The following MBD5 variants were observed in gnomAD, a reference collection of about 807,000 sequenced individuals.
MBD5 encodes methyl-CpG binding domain protein 5, also known as methyl-CpG-binding domain protein 5.
A neutral mutation model predicts 117.3 loss-of-function variants in MBD5; 13 were observed. The ratio of observed to expected loss-of-function variants is 0.11; its 90% CI spans 0.07 to 0.18. MBD5 has a LOEUF of 0.18. MBD5 is among the 10% of genes least tolerant of loss of function. The pLI is 1.00. For synonymous variants in MBD5, 727 were observed against 766.4 expected (o/e 0.95, Z 0.85); for missense variants, 1,879 against 2,093.8 (o/e 0.90, Z 2.00).
intron 3 of MBD5, among the ~76,000 whole-genome samples, chr2:148,280,801 G>T (rs1293218310): frequency 6.6e-6 from 1 of 152,140 alleles, no homozygotes; most frequent in Non-Finnish European, 1.5e-5. Flanking sequence ...AGTTTTTGTA[G>T]TTCTGAAAAT....
intron 1 of MBD5, among the ~76,000 whole-genome samples, chr2:148,124,898 A>G (rs1696854437): frequency 6.6e-6 from 1 of 151,334 alleles, no homozygotes; most frequent in African/African-American, 2.4e-5. Flanking sequence ...ATATGTACAT[A>G]TATTTATAAT....
chr2:148,321,610 C>CA (rs1473568353), intron 3 of MBD5, among the ~76,000 whole-genome samples: 1 of 152,128 alleles, frequency 6.6e-6, no homozygotes, highest in East Asian at 1.9e-4. Flanking sequence ...ATCTATCAAT[C>CA]AATCACAAAA....
intron 4 of MBD5, among the ~76,000 whole-genome samples, chr2:148,383,140 C>A (rs1452091044): frequency 6.6e-6 from 1 of 152,044 alleles, no homozygotes; most frequent in East Asian, 1.9e-4. Context: ...ACACAAAAAA[C>A]CCTTCAAAAA....
chr2:148,421,085 C>T (rs150085468), intron 4 of MBD5, among the ~76,000 whole-genome samples: 1 of 152,170 alleles, frequency 6.6e-6, no homozygotes, highest in African/African-American at 2.4e-5. Context: ...AATTTGTGAT[C>T]ACTATCCTCA....
chr2:148,297,756 C>T (rs760364525), intron 3 of MBD5, among the ~76,000 whole-genome samples: 4 of 151,872 alleles, frequency 2.6e-5, no homozygotes, highest in Non-Finnish European at 5.9e-5. Context: ...TATTGTTCAC[C>T]GAGATGACCT....
chr2:148,476,810 A>G (rs551991701), intron 8 of MBD5, among the ~76,000 whole-genome samples: 34 of 152,314 alleles, frequency 2.2e-4, no homozygotes, highest in African/African-American at 7.7e-4. Context: ...TTCATAATCT[A>G]GAAACTTAGC....
chr2:148,265,739 G>GT (rs1258477218), intron 3 of MBD5, among the ~76,000 whole-genome samples: 1 of 151,990 alleles, frequency 6.6e-6, no homozygotes, highest in African/African-American at 2.4e-5. Flanking sequence ...AAGTTTTTGT[G>GT]TTGCAAATTT....
chr2:148,043,534 A>G lies in MBD5; in HGVS notation c.-925+21850A>G, dbSNP rs535670670. On this transcript the variant is annotated intron_variant, in intron 1 of 13. Coordinates refer to ENST00000642680, the MANE Select transcript of MBD5 (RefSeq NM_001378120.1). ...TGGGCTCAGGAATCTCGATTTTAAC[A>G]AGGATTGCCTGATGGTTCTCTTTCC... is the stretch of plus-strand genomic sequence containing the variant. 3.3e-5 allele frequency among the ~76,000 whole-genome samples: 5 copies of G among 152,232 alleles called. No homozygotes were observed. In the East Asian group the frequency reaches 9.7e-4, roughly 29 times the overall value.
intron 4 of MBD5, among the ~76,000 whole-genome samples, chr2:148,412,632 T>C (rs1223834950): frequency 1.3e-5 from 2 of 152,104 alleles, no homozygotes; most frequent in Admixed American, 6.5e-5. Flanking sequence ...TCTGATCTCT[T>C]TGAGCAGTGT....
intron 3 of MBD5, among the ~76,000 whole-genome samples, chr2:148,308,911 A>C (rs567421865): frequency 6.6e-6 from 1 of 152,250 alleles, no homozygotes; most frequent in Middle Eastern, 3.4e-3. Context: ...TAAATAGGGA[A>C]TCCTTTCCCC....
At chr2:148,237,592 A>G (rs1162616848) in intron 3 of MBD5, among the ~76,000 whole-genome samples, 1 of 152,198 alleles carries the variant, frequency 6.6e-6, no homozygotes, top group Non-Finnish European at 1.5e-5. Flanking sequence ...TTACAGGAGA[A>G]ACATCAAAGA....
Position 148,458,254 on chromosome 2 carries a change from C to G in MBD5, c.-505C>G, listed in dbSNP as rs2105534062. 2.5e-6 allele frequency: 1 copy of G among 404,238 alleles called. No homozygotes were observed. Among genetic ancestry groups the G allele is most frequent in the Non-Finnish European group, 4.4e-6 (1 of 229,038 alleles). The allele number at this position is 404,238 out of a possible 1,614,324, so 25.0% of individuals were successfully genotyped here. A position where few individuals can be genotyped will look rare whatever the true frequency, so the allele number is the denominator to read the frequency against. On this transcript the variant is annotated 5_prime_UTR_variant, in exon 5 of 14. Transcript: ENST00000642680. Reference sequence around the variant, plus strand: ...TGAAAACATCAGATGAACCAACCTGCAACACCTTGGATTCAGATTGGAAGA... The same window carrying G: ...TGAAAACATCAGATGAACCAACCTGGAACACCTTGGATTCAGATTGGAAGA...
rs562419991 is a variant in MBD5, at chr2:148,068,151, C to T, written c.-925+46467C>T. On this transcript the variant is annotated intron_variant, in intron 1 of 13. Coordinates refer to ENST00000642680, the MANE Select transcript of MBD5 (RefSeq NM_001378120.1). ...GAAGCCTCTAGGTCAGTGCAGCTCCCTCACCTGCTTGATGTAAATCTCAAG... is the reference window on the plus strand; with the variant it reads ...GAAGCCTCTAGGTCAGTGCAGCTCCTTCACCTGCTTGATGTAAATCTCAAG... Among the ~76,000 whole-genome samples, 8 of 152,244 alleles carry T rather than the reference C, an allele frequency of 5.3e-5. No homozygotes were observed. In the South Asian group the frequency reaches 1.2e-3, roughly 24 times the overall value.
intron 4 of MBD5, among the ~76,000 whole-genome samples, chr2:148,429,845 A>G (rs375141202): frequency 6.6e-6 from 1 of 152,152 alleles, no homozygotes; most frequent in South Asian, 2.1e-4. Context: ...GGGGCCTGTC[A>G]TGGGGTGGGG....
chr2:148,051,946 G>A (rs533266018), intron 1 of MBD5, among the ~76,000 whole-genome samples: 4 of 151,668 alleles, frequency 2.6e-5, no homozygotes, highest in Admixed American at 6.6e-5. Context: ...TTCTTGAATG[G>A]TAGAATTCGC....
At chr2:148,235,653 A>G (rs983211684) in intron 3 of MBD5, among the ~76,000 whole-genome samples, 54 of 152,340 alleles carry the variant, frequency 3.5e-4, no homozygotes, top group African/African-American at 1.3e-3. Context: ...GACTACCACA[A>G]TAAAGCAAGC....
rs570411199 is a variant in MBD5 at position 148,165,536 on chromosome 2, C to A, written c.-924-13164C>A. Among the ~76,000 whole-genome samples the A allele has an allele frequency of 1.5e-4, 23 of 152,124 alleles. No individual in the cohort carries two copies. The South Asian group carries it at 4.8e-3, about 32-fold the overall frequency. On this transcript the variant is annotated intron_variant, in intron 1 of 13. Coordinates refer to ENST00000642680, the MANE Select transcript of MBD5 (RefSeq NM_001378120.1). Reference sequence around the variant, plus strand: ...AATGGTTAGTTGTTCTCTGTTGCAACTAGCCAATGAACAGGTTTTTTATAT... The same window carrying A: ...AATGGTTAGTTGTTCTCTGTTGCAAATAGCCAATGAACAGGTTTTTTATAT...
At chr2:148,493,722 G>A (rs1681601679) in intron 11 of MBD5, among the ~76,000 whole-genome samples, 1 of 152,150 alleles carries the variant, frequency 6.6e-6, no homozygotes, top group Admixed American at 6.5e-5. Context: ...TTTGGTCTTT[G>A]GTGGGATAGT....
intron 2 of MBD5, among the ~76,000 whole-genome samples, chr2:148,203,203 C>T (rs1015676988): frequency 2.0e-5 from 3 of 151,462 alleles, no homozygotes; most frequent in African/African-American, 7.3e-5. Flanking sequence ...TTAAAAGGCA[C>T]TAATGAAATT....
Sources: gnomAD v4.1 joint callset for allele counts (sites outside exome capture counted in the v4.1 genomes callset) on GRCh38, gnomAD v4.1.1 for gene constraint, MANE v1.5 for transcripts, NCBI Gene and HGNC (gene_info 2026-07-23, HGNC 2026-07-21) for gene names.